POLA1: variants seen among roughly 807,000 people sequenced by gnomAD.
POLA1 encodes the protein DNA polymerase alpha catalytic subunit.
POLA1 carries 15 observed loss-of-function variants against 124.0 expected under a neutral mutation model. That is an observed-to-expected ratio of 0.12 (90% CI 0.08 to 0.19). POLA1 has a LOEUF of 0.19. POLA1 is among the 10% of genes least tolerant of loss of function. The pLI is 1.00. For synonymous variants in POLA1, 408 were observed against 389.4 expected (o/e 1.05, Z -0.56); for missense variants, 886 against 1,103.4 (o/e 0.80, Z 2.79).
Position 24,785,769 on chromosome X carries a change from C to T in POLA1, c.2965-24129C>T, listed in dbSNP as rs755961720. 1.1e-4 allele frequency among the ~76,000 whole-genome samples: 12 copies of T among 111,839 alleles called. No individual in the cohort carries two copies. The South Asian group carries it at 2.2e-3, about 21-fold the overall frequency. On this transcript the variant is annotated intron_variant, in intron 26 of 36. Coordinates refer to ENST00000379068, the MANE Select transcript of POLA1 (RefSeq NM_001330360.2). ...AATGATTACCACAACCAAATTAACA[C>T]GTCCATCACTATGCATGCTGTACCA...
intron 36 of POLA1, among the ~76,000 whole-genome samples, chrX:24,957,446 C>T (rs2048118878): frequency 9.0e-6 from 1 of 110,576 alleles, no homozygotes; most frequent in Admixed American, 9.6e-5. Flanking sequence ...AAACATAAGA[C>T]CCAGCAATTC....
At chrX:24,788,949 C>T (rs1238908908) in intron 26 of POLA1, 26 of 1,207,886 alleles carry the variant, frequency 2.2e-5, no homozygotes, top group Non-Finnish European at 2.7e-5. Flanking sequence ...GGGCTGGACA[C>T]GGCTTCAAAT....
chrX:24,832,043 G>A (rs2046270484), intron 32 of POLA1, among the ~76,000 whole-genome samples: 1 of 111,890 alleles, frequency 8.9e-6, no homozygotes, highest in Non-Finnish European at 1.9e-5. Context: ...AGTCTAGTGG[G>A]CAACACAGTG....
Position 24,816,017 on chromosome X carries a change from CTG to C in POLA1, c.3429+908_3429+909del, listed in dbSNP as rs1278395993. ...TAATCAGTGTATTAAAAAGATGTAT[CTG>C]TTTCACTGATACATCTTTATTTAAA... On this transcript the variant is annotated intron_variant, in intron 30 of 36. Coordinates refer to ENST00000379068, the MANE Select transcript of POLA1 (RefSeq NM_001330360.2). 3.6e-5 allele frequency among the ~76,000 whole-genome samples: 4 copies of C among 111,839 alleles called. No homozygotes were observed. In the Admixed American group the frequency reaches 3.8e-4, roughly 11 times the overall value.
chrX:24,965,611 C>A (rs137896355), intron 36 of POLA1, among the ~76,000 whole-genome samples: 3,983 of 111,981 alleles, frequency 0.036, 194 homozygotes, highest in African/African-American at 0.12. Flanking sequence ...TACTCCCTCC[C>A]ATCTTTTAGT....
intron 34 of POLA1, among the ~76,000 whole-genome samples, chrX:24,882,687 GTGT>G (rs1457253953): frequency 1.0e-4 from 3 of 29,247 alleles, no homozygotes; most frequent in South Asian, 2.5e-3. Context: ...ATTCCATGGT[GTGT>G]GTGTGTGTGT....
chrX:24,920,502 G>A (rs1455790552), intron 35 of POLA1, among the ~76,000 whole-genome samples: 1 of 111,674 alleles, frequency 9.0e-6, no homozygotes, highest in African/African-American at 3.3e-5. Flanking sequence ...ATGTCAGATT[G>A]AAAACTGGCC....
intron 17 of POLA1, among the ~76,000 whole-genome samples, chrX:24,735,133 G>C (rs1315633216): frequency 8.9e-6 from 1 of 111,916 alleles, no homozygotes; most frequent in African/African-American, 3.2e-5. Context: ...GCATGTCCCT[G>C]TGGAGGGACA....
chrX:24,863,119 G>A (rs1170094100), intron 34 of POLA1, among the ~76,000 whole-genome samples: 1 of 111,589 alleles, frequency 9.0e-6, no homozygotes, highest in Admixed American at 9.5e-5. Flanking sequence ...TTAGAATAAA[G>A]GTAAAATGTA....
At chrX:24,959,768 G>A (rs1264149750) in intron 36 of POLA1, among the ~76,000 whole-genome samples, 3 of 111,706 alleles carry the variant, frequency 2.7e-5, no homozygotes, top group Non-Finnish European at 3.8e-5. Flanking sequence ...TATTTTAGAT[G>A]TACTGGATTA....
At chrX:24,704,752 T>C (rs984947115) in intron 4 of POLA1, among the ~76,000 whole-genome samples, 1 of 112,202 alleles carries the variant, frequency 8.9e-6, no homozygotes, top group Non-Finnish European at 1.9e-5. Flanking sequence ...ATTTAAAACT[T>C]GCTGATTTTG....
intron 10 of POLA1, among the ~76,000 whole-genome samples, chrX:24,721,821 A>G (rs1459576893): frequency 8.9e-6 from 1 of 112,169 alleles, no homozygotes; most frequent in Non-Finnish European, 1.9e-5. Flanking sequence ...AAATGAGCTT[A>G]TTTGAATCTT....
chrX:24,940,944 GT>G (rs2047903452), intron 36 of POLA1, among the ~76,000 whole-genome samples: 1 of 112,102 alleles, frequency 8.9e-6, no homozygotes, highest in African/African-American at 3.2e-5. Flanking sequence ...TCTCAGAGAT[GT>G]TTGGGATTTA....
intron 10 of POLA1, among the ~76,000 whole-genome samples, chrX:24,718,349 C>A (rs760150052): frequency 2.7e-5 from 3 of 111,061 alleles, no homozygotes; most frequent in Non-Finnish European, 3.8e-5. Context: ...CCAGGGGAGG[C>A]CTGTCTGAGG....
At chrX:24,872,538 A>G (rs755529817) in intron 34 of POLA1, among the ~76,000 whole-genome samples, 1 of 111,808 alleles carries the variant, frequency 8.9e-6, no homozygotes, top group African/African-American at 3.2e-5. Flanking sequence ...CTCAATTTTT[A>G]AAAGAAAATC....
intron 36 of POLA1, among the ~76,000 whole-genome samples, chrX:24,982,979 C>T (rs1451171973): frequency 8.9e-6 from 1 of 112,077 alleles, no homozygotes; most frequent in Non-Finnish European, 1.9e-5. Context: ...ATAATCTGTG[C>T]TCAAAATAAT....
chrX:24,780,776 T>C (rs1037011921), intron 26 of POLA1, among the ~76,000 whole-genome samples: 1 of 112,168 alleles, frequency 8.9e-6, no homozygotes, highest in African/African-American at 3.2e-5. Flanking sequence ...TCTTTTCTTG[T>C]AATATCTTTG....
At chrX:24,951,231 T>C (rs2048035922) in intron 36 of POLA1, among the ~76,000 whole-genome samples, 1 of 88,836 alleles carries the variant, frequency 1.1e-5, no homozygotes, top group Admixed American at 1.3e-4. Context: ...CACTACCTTA[T>C]CCTGATTACA....
intron 32 of POLA1, among the ~76,000 whole-genome samples, chrX:24,828,853 C>T (rs1234977002): frequency 1.8e-5 from 2 of 111,476 alleles, no homozygotes; most frequent in African/African-American, 6.5e-5. Flanking sequence ...GTGTCAAGGC[C>T]AGACATACTA....
Sources: gnomAD v4.1 joint callset for allele counts (sites outside exome capture counted in the v4.1 genomes callset) on GRCh38, gnomAD v4.1.1 for gene constraint, MANE v1.5 for transcripts, NCBI Gene and HGNC (gene_info 2026-07-23, HGNC 2026-07-21) for gene names.